CCAR1: variants seen among roughly 807,000 people sequenced by gnomAD.
CCAR1 encodes cell division cycle and apoptosis regulator protein 1.
In CCAR1, 78 loss-of-function variants were observed where a neutral mutation model predicts 163.8. The ratio of observed to expected loss-of-function variants is 0.48; its 90% CI spans 0.40 to 0.57. CCAR1 has a LOEUF of 0.57. CCAR1 is among the 20% of genes least tolerant of loss of function. The pLI is 0.00. For missense variants in CCAR1, 1,019 were observed against 1,365.2 expected (o/e 0.75, Z 4.00); for synonymous variants, 443 against 460.7 (o/e 0.96, Z 0.49).
At chr10:68,734,751 A>G (rs1334576686) in intron 2 of CCAR1, among the ~76,000 whole-genome samples, 1 of 152,002 alleles carries the variant, frequency 6.6e-6, no homozygotes, top group Admixed American at 6.6e-5. Context: ...TTCAAAATTT[A>G]TTGCCCCAGG....
intron 2 of CCAR1, among the ~76,000 whole-genome samples, chr10:68,727,147 A>G (rs150547615): frequency 0.017 from 2,418 of 144,456 alleles, 64 homozygotes; most frequent in African/African-American, 0.06. Flanking sequence ...GGCTCACTGC[A>G]ATCTCTGCCT....
chr10:68,751,153 G>A (rs1163140), intron 10 of CCAR1, among the ~76,000 whole-genome samples: 100,378 of 151,358 alleles, frequency 0.66, 33,936 homozygotes, highest in Non-Finnish European at 0.73. Flanking sequence ...TCAGCCTCCC[G>A]AGTAGCTGGG....
intron 19 of CCAR1, among the ~76,000 whole-genome samples, chr10:68,773,565 C>A (rs191894460): frequency 9.2e-5 from 14 of 152,064 alleles, no homozygotes; most frequent in Non-Finnish European, 1.3e-4. Flanking sequence ...ACTCTGGAGG[C>A]TGAGGCAGGA....
intron 19 of CCAR1, among the ~76,000 whole-genome samples, chr10:68,780,039 A>G (rs2056716966): frequency 2.0e-5 from 3 of 152,200 alleles, no homozygotes; most frequent in Admixed American, 6.6e-5. Context: ...AATAAATACT[A>G]CTTGAATATT....
intron 24 of CCAR1, 47 bp downstream of exon 24, chr10:68,789,962 ACT>A (rs764621974): frequency 8.2e-6 from 10 of 1,218,690 alleles, no homozygotes; most frequent in African/African-American, 1.5e-5. Context: ...TAAAAATCTA[ACT>A]CTGGTGTTTT....
At chr10:68,773,334 A>G (rs1000309482) in intron 19 of CCAR1, among the ~76,000 whole-genome samples, 1 of 152,056 alleles carries the variant, frequency 6.6e-6, no homozygotes. Context: ...TGGCGGAACA[A>G]ATTTCCCGGA....
At chr10:68,740,695 C>T (rs1373439032) in intron 5 of CCAR1, 34 bp downstream of exon 5, 2 of 1,551,350 alleles carry the variant, frequency 1.3e-6, no homozygotes, top group South Asian at 2.3e-5. Flanking sequence ...TTTTGGATGT[C>T]TGAATGAACA....
Position 68,738,018 on chromosome 10 carries a change from A to C in CCAR1, c.291+129A>C, listed in dbSNP as rs927613631. 3 of 602,714 alleles carry C rather than the reference A, an allele frequency of 5.0e-6. No homozygotes were observed. The African/African-American group carries it at 5.7e-5, about 12-fold the overall frequency. 37.3% of individuals were successfully genotyped at this position (602,714 alleles called of 1,614,324 possible). ...ATACAAATTTTTTGGGAGGGGCTAG[A>C]GTAAATAGGTAGGAAAAAAGGAACG... On this transcript the variant is annotated intron_variant, in intron 4 of 24. Transcript: ENST00000265872.
chr10:68,765,829 C>A, intron 16 of CCAR1, 59 bp from the exon 17 acceptor site: 2 of 1,127,654 alleles, frequency 1.8e-6, no homozygotes, highest in Non-Finnish European at 2.6e-6. Flanking sequence ...ATTCATCTTG[C>A]ACATGTATAT....
At chr10:68,772,239 T>C (rs181198213) in intron 18 of CCAR1, among the ~76,000 whole-genome samples, 76 of 152,168 alleles carry the variant, frequency 5.0e-4, no homozygotes, top group African/African-American at 1.7e-3. Context: ...TCCCAGCACA[T>C]TGGGAGTCCA....
intron 2 of CCAR1, among the ~76,000 whole-genome samples, chr10:68,727,131 G>A (rs186782979): frequency 0.064 from 9,096 of 141,452 alleles, 405 homozygotes; most frequent in South Asian, 0.14. Context: ...GCAGTGGCAC[G>A]ATCTGGGCTC....
At chr10:68,727,558 G>T (rs189706916) in intron 2 of CCAR1, among the ~76,000 whole-genome samples, 1 of 152,152 alleles carries the variant, frequency 6.6e-6, no homozygotes, top group East Asian at 1.9e-4. Flanking sequence ...ATTCTAGGAT[G>T]GTATTCAAGG....
At chr10:68,749,346 TTATAA>T (rs2056301417) in intron 9 of CCAR1, 81 bp downstream of exon 9, 3 of 1,383,408 alleles carry the variant, frequency 2.2e-6, no homozygotes, top group South Asian at 1.5e-5. Flanking sequence ...TGAACTATGC[TTATAA>T]TATAAAATTT....
At chr10:68,743,198 T>A (rs1471690451) in intron 6 of CCAR1, among the ~76,000 whole-genome samples, 1 of 151,394 alleles carries the variant, frequency 6.6e-6, no homozygotes, top group Non-Finnish European at 1.5e-5. Context: ...CTTTTTCTTT[T>A]TCTTTTTTTT....
chr10:68,722,370 A>G (rs1440973738), intron 1 of CCAR1, 85 bp from the exon 2 acceptor site: 13 of 776,296 alleles, frequency 1.7e-5, no homozygotes, highest in Non-Finnish European at 3.0e-5. Flanking sequence ...TCCTCGACAC[A>G]TTAAACATTT....
chr10:68,721,902 T>G (rs2055863716), intron 1 of CCAR1, among the ~76,000 whole-genome samples: 1 of 152,168 alleles, frequency 6.6e-6, no homozygotes, highest in Non-Finnish European at 1.5e-5. Flanking sequence ...GGACATCCAT[T>G]ATCTCAACGG....
At chr10:68,790,165 C>G (rs2133443122) in intron 24 of CCAR1, among the ~76,000 whole-genome samples, 1 of 152,060 alleles carries the variant, frequency 6.6e-6, no homozygotes, top group South Asian at 2.1e-4. Context: ...TCCAGCCTCG[C>G]CAACGTGGTG....
At chr10:68,740,564 A>G in intron 4 of CCAR1, 65 bp from the exon 5 acceptor site, 1 of 1,195,904 alleles carries the variant, frequency 8.4e-7, no homozygotes, top group Non-Finnish European at 1.2e-6. Context: ...TTCTTTTATG[A>G]AGCATCTATG....
chr10:68,772,970 A>G lies in CCAR1; in HGVS notation c.2539-18A>G. 1 of 1,208,730 alleles carries G rather than the reference A, an allele frequency of 8.3e-7. No homozygotes were observed. Among genetic ancestry groups the G allele is most frequent in the Non-Finnish European group, 1.2e-6 (1 of 853,166 alleles). 74.9% of individuals were successfully genotyped at this position (1,208,730 alleles called of 1,614,324 possible). Reference sequence around the variant, plus strand: ...CTAAAAATAAGTAAATAAATAATAAAGGCATTTTAAATTATAGAAAGAAGA... The same window carrying G: ...CTAAAAATAAGTAAATAAATAATAAGGGCATTTTAAATTATAGAAAGAAGA... On this transcript the variant is annotated intron_variant, in intron 18 of 24. Transcript: ENST00000265872.
Sources: allele counts gnomAD v4.1 joint callset (sites outside exome capture counted in the v4.1 genomes callset), GRCh38; gene constraint gnomAD v4.1.1; transcripts MANE v1.5; gene names NCBI Gene and HGNC (gene_info 2026-07-23, HGNC 2026-07-21).